Variants in SENP5 observed in about 807,000 individuals in gnomAD.
The protein encoded by SENP5 is sentrin-specific protease 5.
Under a neutral mutation model 74.2 loss-of-function variants are expected in SENP5, and 21 were observed. That is an observed-to-expected ratio of 0.28 (90% CI 0.20 to 0.41). The LOEUF (loss-of-function observed/expected upper bound fraction) is 0.41. Ranked by LOEUF, SENP5 falls within the 10% of genes least tolerant of loss-of-function variation. SENP5 has a pLI of 1.00. For missense variants in SENP5, 717 were observed against 889.1 expected, an observed-to-expected ratio of 0.81 and a Z score of 2.46; for synonymous variants, 311 against 312.7, an observed-to-expected ratio of 0.99 and a Z score of 0.06.
At chr3:196,920,715 A>G (rs544214788) in intron 6 of SENP5, among the ~76,000 whole-genome samples, 1 of 152,322 alleles carries the variant, frequency 6.6e-6, no homozygotes, top group Admixed American at 6.5e-5. Flanking sequence ...GAATTTCATC[A>G]AATGCTTTTC....
At chr3:196,893,408 A>G (rs550963733) in intron 2 of SENP5, among the ~76,000 whole-genome samples, 3 of 152,334 alleles carry the variant, frequency 2.0e-5, no homozygotes, top group African/African-American at 7.2e-5. Flanking sequence ...TTAGATATGC[A>G]TGCCCTTTTA....
chr3:196,889,600 A>T (rs990654405), intron 2 of SENP5, among the ~76,000 whole-genome samples: 1 of 152,236 alleles, frequency 6.6e-6, no homozygotes, highest in Non-Finnish European at 1.5e-5. Context: ...ATCAATCAGA[A>T]GCCAATAGCA....
chr3:196,904,060 A>G (rs1301249249), intron 6 of SENP5, among the ~76,000 whole-genome samples: 6 of 152,268 alleles, frequency 3.9e-5, no homozygotes, highest in Non-Finnish European at 7.3e-5. Context: ...TAACTTTTAT[A>G]TCACAATCTA....
rs867705482 is a variant in SENP5, at chr3:196,914,715, G to A, written c.1885-8699G>A. Reference sequence around the variant, plus strand: ...GGCAGAATAGTACCCTTCAACCATCGTCCTCCTGCAGGAACACCAAATTGA... The same window carrying A: ...GGCAGAATAGTACCCTTCAACCATCATCCTCCTGCAGGAACACCAAATTGA... On this transcript the variant is annotated intron_variant, in intron 6 of 9. Transcript: ENST00000323460. The A allele has an allele frequency of 2.7e-5, 4 of 149,640 alleles. No homozygotes were observed. The South Asian group carries it at 6.4e-4, about 24-fold the overall frequency. 9.3% of individuals were successfully genotyped at this position (149,640 alleles called of 1,614,324 possible).
At chr3:196,909,929 AG>A (rs1230771579) in intron 6 of SENP5, among the ~76,000 whole-genome samples, 2 of 152,192 alleles carry the variant, frequency 1.3e-5, no homozygotes, top group African/African-American at 4.8e-5. Context: ...AAAGAAATAC[AG>A]GGTATTCAGA....
Position 196,900,062 on chromosome 3 carries a change from G to A in SENP5, c.1758G>A (p.Gln586=), listed in dbSNP as rs978555161. ...TLDGQNWLND[Q]VINMYGELIM... ...ATGGTCAGAACTGGCTGAATGACCA[G>A]GTTAGTATATTGTAGTTTTTCAGTG... The change falls in exon 4 of 10, where the codon CAG becomes CAA. Residue 586 remains glutamine (Q), a splice_region_variant and synonymous_variant. Transcript: ENST00000323460. 1.6e-5 allele frequency: 25 copies of A among 1,610,976 alleles called. No individual in the cohort carries two copies. Among genetic ancestry groups the A allele is most frequent in the Non-Finnish European group, 2.0e-5 (24 of 1,179,188 alleles).
intron 5 of SENP5, 61 bp from the exon 6 acceptor site, chr3:196,903,472 G>C (rs1033550572): frequency 9.6e-7 from 1 of 1,038,458 alleles, no homozygotes; most frequent in Non-Finnish European, 1.4e-6. Context: ...TTCCTCTTTT[G>C]AAGTTAAATC....
intron 1 of SENP5, among the ~76,000 whole-genome samples, chr3:196,874,678 G>A (rs1713375712): frequency 6.6e-6 from 1 of 152,018 alleles, no homozygotes; most frequent in Non-Finnish European, 1.5e-5. Context: ...GTCAGAGGTC[G>A]AGACCAGCCT....
chr3:196,876,817 G>A (rs935598554), intron 1 of SENP5, among the ~76,000 whole-genome samples: 2 of 151,856 alleles, frequency 1.3e-5, no homozygotes, highest in East Asian at 1.9e-4. Flanking sequence ...AAGTTGGGGC[G>A]AGCTCTGATT....
chr3:196,877,860 A>G (rs547438557), intron 1 of SENP5, among the ~76,000 whole-genome samples: 6 of 152,320 alleles, frequency 3.9e-5, no homozygotes, highest in African/African-American at 1.4e-4. Flanking sequence ...ATTTTTCTCC[A>G]AACATTCAAG....
At chr3:196,880,015 G>A (rs1031378249) in intron 1 of SENP5, among the ~76,000 whole-genome samples, 2 of 151,626 alleles carry the variant, frequency 1.3e-5, no homozygotes, top group African/African-American at 4.9e-5. Context: ...GCGTGATCTC[G>A]GCTCACTGCA....
At chr3:196,900,304 TTTTC>T in intron 4 of SENP5, 57 bp from the exon 5 acceptor site, 3 of 1,490,086 alleles carry the variant, frequency 2.0e-6, no homozygotes, top group South Asian at 2.4e-5. Flanking sequence ...TTTATTTTGT[TTTTC>T]TTTCTCCAAC....
chr3:196,870,910 C>A (rs540137932), intron 1 of SENP5, among the ~76,000 whole-genome samples: 1 of 152,080 alleles, frequency 6.6e-6, no homozygotes, highest in East Asian at 1.9e-4. Flanking sequence ...GTGGCTCATG[C>A]CTGTAATCCC....
At chr3:196,903,163 G>A (rs914661476) in intron 5 of SENP5, among the ~76,000 whole-genome samples, 7 of 151,912 alleles carry the variant, frequency 4.6e-5, no homozygotes, top group Non-Finnish European at 1.0e-4. Context: ...TTTTTGAGAC[G>A]GAGTTTTGCT....
chr3:196,927,128 T>C (rs1049178268), intron 7 of SENP5, among the ~76,000 whole-genome samples: 1 of 152,228 alleles, frequency 6.6e-6, no homozygotes, highest in African/African-American at 2.4e-5. Flanking sequence ...GGAATTTTAG[T>C]ATTACTTTCC....
intron 1 of SENP5, among the ~76,000 whole-genome samples, chr3:196,877,181 T>A (rs1032964966): frequency 6.6e-6 from 1 of 152,086 alleles, no homozygotes; most frequent in Non-Finnish European, 1.5e-5. Flanking sequence ...TTTTTAATTT[T>A]TAATTTTAAA....
intron 6 of SENP5, among the ~76,000 whole-genome samples, chr3:196,918,969 G>A (rs1715499768): frequency 3.7e-5 from 2 of 53,376 alleles, no homozygotes; most frequent in Non-Finnish European, 9.7e-5. Flanking sequence ...TAAAAATTAT[G>A]TATGTGTGTA....
At chr3:196,878,125 C>T (rs182946831) in intron 1 of SENP5, among the ~76,000 whole-genome samples, 2 of 152,304 alleles carry the variant, frequency 1.3e-5, no homozygotes, top group Admixed American at 6.5e-5. Context: ...GCAACTAATT[C>T]GCCAACTTGA....
chr3:196,880,100 C>T (rs545247585), intron 1 of SENP5, among the ~76,000 whole-genome samples: 3 of 152,182 alleles, frequency 2.0e-5, no homozygotes, highest in East Asian at 3.9e-4. Context: ...TTCATGCCAC[C>T]GTGCCTGGCT....
Sources: allele counts gnomAD v4.1 joint callset (sites outside exome capture counted in the v4.1 genomes callset), GRCh38; gene constraint gnomAD v4.1.1; transcripts MANE v1.5; gene names NCBI Gene and HGNC (gene_info 2026-07-23, HGNC 2026-07-21).